LIFR: variants seen among roughly 807,000 people sequenced by gnomAD.
LIFR encodes leukemia inhibitory factor receptor.
Under a neutral mutation model 122.2 loss-of-function variants are expected in LIFR, and 84 were observed. The observed-to-expected ratio is 0.69, with a 90% CI of 0.58 to 0.82. The LOEUF (loss-of-function observed/expected upper bound fraction) is 0.82, where lower values mean the gene tolerates loss of function less well. LIFR is among the 40% of genes least tolerant of loss of function. The pLI, the probability that LIFR is intolerant of heterozygous loss-of-function variation, is 0.00. For missense variants in LIFR, 1,294 were observed against 1,311.6 expected (o/e 0.99, Z 0.21); for synonymous variants, 422 against 434.7 (o/e 0.97, Z 0.36).
chr5:38,606,221 G>T (rs1750325595), exon 2 of LIFR: 1 of 152,232 alleles, frequency 6.6e-6, no homozygotes, highest in Non-Finnish European at 1.5e-5. Flanking sequence ...TCTGCAGGCT[G>T]TACAGAAAAC....
upstream of LIFR, among the ~76,000 whole-genome samples, chr5:38,597,607 G>A (rs1750132627): frequency 6.6e-6 from 1 of 152,198 alleles, no homozygotes; most frequent in South Asian, 2.1e-4. Flanking sequence ...GCATCCAAAG[G>A]CAGAGGCCAG....
intron 1 of LIFR, among the ~76,000 whole-genome samples, chr5:38,587,579 C>A (rs2112755161): frequency 1.3e-5 from 2 of 151,932 alleles, no homozygotes; most frequent in East Asian, 3.9e-4. Context: ...ACATTTGGAA[C>A]TTTATCCTAA....
At chr5:38,529,196 C>G (rs1312950172) in intron 2 of LIFR, among the ~76,000 whole-genome samples, 1 of 151,950 alleles carries the variant, frequency 6.6e-6, no homozygotes, top group African/African-American at 2.4e-5. Flanking sequence ...CATGTAGATT[C>G]AATAATGGGA....
upstream of LIFR, among the ~76,000 whole-genome samples, chr5:38,597,095 G>A (rs1750118236): frequency 1.3e-5 from 2 of 152,180 alleles, no homozygotes; most frequent in African/African-American, 4.8e-5. Context: ...AGGAAGGGAT[G>A]GAAGTATTTG....
Position 38,497,269 on chromosome 5 carries a change from C to T in LIFR, c.1672-674G>A, listed in dbSNP as rs373441332. On this transcript the variant is annotated intron_variant, in intron 12 of 19. Coordinates refer to ENST00000453190, the MANE Select transcript of LIFR (RefSeq NM_001127671.2). ...CTGCACTCCAGACTGGTTCAAAGAG[C>T]GAGACTCTGTCTCAACAACAACAAC... 1.9e-4 allele frequency among the ~76,000 whole-genome samples: 29 copies of T among 152,260 alleles called. 1 individual carries two copies. Among genetic ancestry groups the T allele is most frequent in the African/African-American group, 6.3e-4 (26 of 41,540 alleles).
Position 38,499,583 on chromosome 5 carries a change from C to T in LIFR, c.1601G>A (p.Ser534Asn). The change falls in exon 12 of 20, where the codon AGT becomes AAT. Residue 534 changes from serine to asparagine, a missense_variant and splice_region_variant. Physicochemically the swap from Ser to Asn is conservative, Grantham distance 46 (BLOSUM62 1). Coordinates refer to ENST00000453190, the MANE Select transcript of LIFR (RefSeq NM_001127671.2). ...NKKQHLTTEA[S>N]PSKGPDTWRE... Reference sequence around the variant, plus strand: ...CCAAGTATCAGGCCCCTTTGAAGGACCTAAAAAGGAGATTTTAAAGTTAAT... The same window carrying T: ...CCAAGTATCAGGCCCCTTTGAAGGATCTAAAAAGGAGATTTTAAAGTTAAT... 1 of 1,602,180 alleles carries T rather than the reference C, an allele frequency of 6.2e-7. No homozygotes were observed. Among genetic ancestry groups the T allele is most frequent in the Non-Finnish European group, 8.6e-7 (1 of 1,169,286 alleles).
intron 1 of LIFR, among the ~76,000 whole-genome samples, chr5:38,547,559 C>A (rs1371389384): frequency 6.6e-6 from 1 of 151,950 alleles, no homozygotes; most frequent in Non-Finnish European, 1.5e-5. Context: ...ACGTATCTTT[C>A]ACGACTACTG....
In LIFR at chr5:38,488,943, C is replaced by T. The variant is rs573417937; in HGVS notation, c.2335+135G>A. ...AACTCTTATATTCATAGAATTACTG[C>T]CTTTTCATTTCTCTATCTTTCAGAT... On this transcript the variant is annotated intron_variant, in intron 16 of 19. Transcript: ENST00000453190. 5 of 687,926 alleles carry T rather than the reference C, an allele frequency of 7.3e-6. No homozygotes were observed. In the East Asian group the frequency reaches 1.3e-4, roughly 18 times the overall value. The allele number at this position is 687,926 out of a possible 1,614,324, so 42.6% of individuals were successfully genotyped here.
At chr5:38,498,978 A>C (rs929529272) in intron 12 of LIFR, among the ~76,000 whole-genome samples, 1 of 152,208 alleles carries the variant, frequency 6.6e-6, no homozygotes, top group African/African-American at 2.4e-5. Flanking sequence ...ACAATTGTTC[A>C]TGTTTTTGAT....
At chr5:38,581,923 G>A (rs1307555166) in intron 1 of LIFR, among the ~76,000 whole-genome samples, 2 of 152,242 alleles carry the variant, frequency 1.3e-5, no homozygotes, top group South Asian at 2.1e-4. Context: ...AACCTTCAAA[G>A]CTGCATTATC....
chr5:38,598,255 TTTTTC>T (rs1561235590), upstream of LIFR, among the ~76,000 whole-genome samples: 698 of 57,316 alleles, frequency 0.012, 126 homozygotes, highest in African/African-American at 0.052. Context: ...ATTTTTTTTT[TTTTTC>T]TTTTTAGAGG....
chr5:38,504,498 T>C (rs1745355249), intron 9 of LIFR, among the ~76,000 whole-genome samples: 1 of 151,642 alleles, frequency 6.6e-6, no homozygotes. Context: ...GATACAGATA[T>C]TAACCACTAT....
chr5:38,504,500 A>T (rs1745355538), intron 9 of LIFR, among the ~76,000 whole-genome samples: 1 of 152,196 alleles, frequency 6.6e-6, no homozygotes, highest in Non-Finnish European at 1.5e-5. Context: ...TACAGATATT[A>T]ACCACTATGT....
chr5:38,477,197 A>C lies in LIFR; in HGVS notation c.*4398T>G. ...AAAATCTAACCACCATAGCAAAATA[A>C]GGGGTTTAAGTATTATTAATAGCCC... On this transcript the variant is annotated 3_prime_UTR_variant, in exon 20 of 20. Transcript: ENST00000453190. 1 of 221,434 alleles carries C rather than the reference A, an allele frequency of 4.5e-6. No homozygotes were observed. Among genetic ancestry groups the C allele is most frequent in the Non-Finnish European group, 9.0e-6 (1 of 110,672 alleles). 13.7% of individuals were successfully genotyped at this position (221,434 alleles called of 1,614,324 possible).
chr5:38,528,387 C>G (rs1204276507), intron 3 of LIFR, among the ~76,000 whole-genome samples: 2 of 152,198 alleles, frequency 1.3e-5, no homozygotes, highest in Non-Finnish European at 2.9e-5. Flanking sequence ...CAGGCTCCCC[C>G]TTCTGGACTC....
At chr5:38,488,036 G>T (rs1290769956) in intron 16 of LIFR, among the ~76,000 whole-genome samples, 1 of 152,080 alleles carries the variant, frequency 6.6e-6, no homozygotes, top group African/African-American at 2.4e-5. Flanking sequence ...TAGAGTTTGG[G>T]GGTGTTTCCC....
intron 7 of LIFR, 64 bp downstream of exon 7, chr5:38,510,400 T>A: frequency 1.4e-6 from 2 of 1,476,014 alleles, no homozygotes; most frequent in Admixed American, 1.7e-5. Context: ...CCAGAAGAAT[T>A]AAGGCTTTCA....
chr5:38,520,017 C>T (rs190776983), intron 5 of LIFR, among the ~76,000 whole-genome samples: 204 of 152,218 alleles, frequency 1.3e-3, no homozygotes, highest in Middle Eastern at 6.8e-3. Context: ...TATAGGAGTT[C>T]TCTTTTTAGT....
In LIFR at chr5:38,475,715, A is replaced by AC. The variant is rs1743694452; in HGVS notation, c.*5879_*5880insG. 5.3e-6 allele frequency: 1 copy of AC among 188,424 alleles called. No individual in the cohort carries two copies. The highest frequency in any genetic ancestry group is 1.1e-5 in the Non-Finnish European group (1 of 89,306). The allele number at this position is 188,424 out of a possible 1,614,324, so 11.7% of individuals were successfully genotyped here. A position where few individuals can be genotyped will look rare whatever the true frequency, so the allele number is the denominator to read the frequency against. On this transcript the variant is annotated 3_prime_UTR_variant, in exon 20 of 20. Coordinates refer to ENST00000453190, the MANE Select transcript of LIFR (RefSeq NM_001127671.2). ...GTAATTCACTATAATGCAATTTTGA[A>AC]AGTAAAAAAAGGTAATTTCCTAGTG...
Sources: gnomAD v4.1 joint callset for allele counts (sites outside exome capture counted in the v4.1 genomes callset) on GRCh38, gnomAD v4.1.1 for gene constraint, MANE v1.5 for transcripts, NCBI Gene and HGNC (gene_info 2026-07-23, HGNC 2026-07-21) for gene names.